Variants in PUM3 observed in about 807,000 individuals in gnomAD.
PUM3 encodes the protein pumilio homolog 3.
In PUM3, 91 loss-of-function variants were observed where a neutral mutation model predicts 84.0. The observed-to-expected ratio is 1.08, with a 90% CI of 0.91 to 1.29. The LOEUF (loss-of-function observed/expected upper bound fraction) is 1.29, where lower values mean the gene tolerates loss of function less well. PUM3 is among the 50% of genes most tolerant of loss of function. The probability of loss-of-function intolerance (pLI) is 0.00; values close to 1 mark genes in which losing one functional copy is unlikely to be tolerated. For missense variants in PUM3, 1,067 were observed against 767.5 expected (o/e 1.39, Z -4.61); for synonymous variants, 321 against 266.7 (o/e 1.20, Z -1.98).
At chr9:2,807,709 A>G in intron 17 of PUM3, 105 bp downstream of exon 17, 1 of 702,514 alleles carries the variant, frequency 1.4e-6, no homozygotes, top group South Asian at 1.8e-5. Context: ...TGGGAGTAAT[A>G]TTAGACTACT....
rs80077914 is a variant in PUM3, at chr9:2,826,428, G to A, written c.1035+645C>T. Among the ~76,000 whole-genome samples the A allele has an allele frequency of 1.1e-3, 164 of 152,164 alleles. 1 individual carries two copies. Among genetic ancestry groups the A allele is most frequent in the African/African-American group, 3.8e-3 (159 of 41,450 alleles). ...ATTATTTTGCATGCCAATTTTAAGA[G>A]GGTCAAAACTCCAATGAATGTATAG... On this transcript the variant is annotated intron_variant, in intron 10 of 17. Transcript: ENST00000397885.
chr9:2,821,208 G>C (rs2129825863), intron 12 of PUM3, among the ~76,000 whole-genome samples: 1 of 152,212 alleles, frequency 6.6e-6, no homozygotes, highest in East Asian at 1.9e-4. Context: ...ACTTTGGAAA[G>C]CTGAGGCTGG....
intron 13 of PUM3, among the ~76,000 whole-genome samples, chr9:2,813,720 G>C (rs1821414074): frequency 6.6e-6 from 1 of 152,206 alleles, no homozygotes; most frequent in Non-Finnish European, 1.5e-5. Context: ...ATGGGACCGT[G>C]AATCTCACTG....
At chr9:2,808,473 C>A (rs569890045) in intron 16 of PUM3, among the ~76,000 whole-genome samples, 68 of 152,238 alleles carry the variant, frequency 4.5e-4, no homozygotes, top group African/African-American at 1.6e-3. Flanking sequence ...TTCCCAAGGT[C>A]GTGGTATTAT....
At chr9:2,810,957 C>G (rs1274810303) in intron 15 of PUM3, among the ~76,000 whole-genome samples, 1 of 152,182 alleles carries the variant, frequency 6.6e-6, no homozygotes, top group East Asian at 1.9e-4. Context: ...TACTCCTTAG[C>G]AAGTATGGGA....
Position 2,837,214 on chromosome 9 carries a change from CTTG to C in PUM3, c.267_269del (p.Asn89del). 2 of 1,614,106 alleles carry C rather than the reference CTTG, an allele frequency of 1.2e-6. No homozygotes were observed. Among genetic ancestry groups the C allele is most frequent in the Non-Finnish European group, 1.7e-6 (2 of 1,179,954 alleles). On this transcript the variant is annotated inframe_deletion, in exon 3 of 18. Transcript: ENST00000397885. ...TACCATCTGGCTGGAATTTTCTCTT[CTTG>C]TTGAATTTATTTGCCGGCTGGAATT...
At chr9:2,818,965 A>T (rs1412475625) in intron 13 of PUM3, among the ~76,000 whole-genome samples, 1 of 152,220 alleles carries the variant, frequency 6.6e-6, no homozygotes, top group African/African-American at 2.4e-5. Context: ...CTCTTTTTGA[A>T]TCATCATATT....
At chr9:2,829,008 C>T (rs1815901399) in intron 8 of PUM3, among the ~76,000 whole-genome samples, 1 of 152,244 alleles carries the variant, frequency 6.6e-6, no homozygotes, top group African/African-American at 2.4e-5. Context: ...AGTTAACCAG[C>T]TAACAGTTAC....
In PUM3 at chr9:2,820,020, A is replaced by C. The variant is rs1821554795; in HGVS notation, c.1267T>G (p.Ser423Ala). The change falls in exon 13 of 18, where the codon TCA becomes GCA. Residue 423 changes from serine (S) to alanine (A), a missense_variant and splice_region_variant. Ser to Ala is a moderately conservative substitution (Grantham distance 99). Coordinates refer to ENST00000397885, the MANE Select transcript of PUM3 (RefSeq NM_014878.5). ...TCAAGACCATCAGGATTACTTACTG[A>C]TATGATTATCTGCTTCACAAGCTTA... ...DTKLVKQIII[S>A]EIISSLPSIV... 1.9e-6 allele frequency: 3 copies of C among 1,600,154 alleles called. No homozygotes were observed.
rs370007578 is a variant in PUM3, at chr9:2,829,818, T to C, written c.808A>G (p.Met270Val). ...NDKAILEQRN[M>V]LTEELYGNTF... ...TTCCCATAGAGCTCTTCCGTCAGCATGTTCCTCTGCTCCAAAATGGCTTTG... is the reference window on the plus strand; with the variant it reads ...TTCCCATAGAGCTCTTCCGTCAGCACGTTCCTCTGCTCCAAAATGGCTTTG... Residue 270 changes from methionine to valine, a missense_variant, in exon 8 of 18, where the codon ATG becomes GTG. Met to Val is a conservative substitution (Grantham distance 21, BLOSUM62 1). Transcript: ENST00000397885. 79 of 1,614,166 alleles carry C rather than the reference T, an allele frequency of 4.9e-5. No individual in the cohort carries two copies. The highest frequency in any genetic ancestry group is 4.5e-5 in the East Asian group (2 of 44,886).
At chr9:2,821,443 C>CAAAAAAAAAAAAAAAAAAAAAAAAAAAAA (rs572752267) in intron 12 of PUM3, among the ~76,000 whole-genome samples, 4 of 50,124 alleles carry the variant, frequency 8.0e-5, no homozygotes, top group Admixed American at 2.6e-4. Flanking sequence ...GACTCTGTCT[C>CAAAAAAAAAAAAAAAAAAAAAAAAAAAAA]AAAAAAAAAA....
Position 2,820,080 on chromosome 9 carries a change from C to A in PUM3, c.1207G>T (p.Val403Phe), listed in dbSNP as rs146797511. The A allele has an allele frequency of 3.1e-6, 5 of 1,611,674 alleles. No individual in the cohort carries two copies. Among genetic ancestry groups the A allele is most frequent in the Non-Finnish European group, 4.2e-6 (5 of 1,178,268 alleles). Residue 403 changes from valine (V) to phenylalanine (F), a missense_variant, in exon 13 of 18, where the codon GTT (valine) becomes TTT (phenylalanine). Physicochemically the swap from Val to Phe is conservative, Grantham distance 50. Coordinates refer to ENST00000397885, the MANE Select transcript of PUM3 (RefSeq NM_014878.5). Reference sequence around the variant, plus strand: ...ATACAATCAAATGCCGCCAGTAAAACCAAATGGGAGTATTGGCCCTGCAAG... The same window carrying A: ...ATACAATCAAATGCCGCCAGTAAAAACAAATGGGAGTATTGGCCCTGCAAG... ...KVANGQYSHL[V>F]LLAAFDCIDD...
intron 17 of PUM3, 135 bp downstream of exon 17, chr9:2,807,679 T>C: frequency 3.4e-6 from 2 of 580,276 alleles, no homozygotes; most frequent in African/African-American, 1.9e-5. Flanking sequence ...TTTGGTATGT[T>C]TGTCTAGACC....
At chr9:2,821,089 TC>T (rs1207469844) in intron 12 of PUM3, among the ~76,000 whole-genome samples, 1 of 151,762 alleles carries the variant, frequency 6.6e-6, no homozygotes, top group Non-Finnish European at 1.5e-5. Flanking sequence ...AACTGTAAAG[TC>T]AAAAAGACAA....
chr9:2,840,287 C>T lies in PUM3; in HGVS notation c.-10-1770G>A, dbSNP rs531317008. 3.3e-5 allele frequency among the ~76,000 whole-genome samples: 5 copies of T among 152,304 alleles called. No individual in the cohort carries two copies. In the South Asian group the frequency reaches 1.0e-3, roughly 32 times the overall value. On this transcript the variant is annotated intron_variant, in intron 1 of 17. Coordinates refer to ENST00000397885, the MANE Select transcript of PUM3 (RefSeq NM_014878.5). The stretch of plus-strand genomic sequence containing the variant: ...TTCCATCTTTATTAGATCCAAACCA[C>T]CAAGTCCAGCCCAAAGTCAGAGGAA...
intron 10 of PUM3, among the ~76,000 whole-genome samples, chr9:2,826,783 C>T (rs1586724647): frequency 6.6e-6 from 1 of 152,052 alleles, no homozygotes. Flanking sequence ...TATTCCTCCA[C>T]GAGTTAGTTA....
intron 13 of PUM3, among the ~76,000 whole-genome samples, chr9:2,813,600 T>C (rs1030729102): frequency 6.6e-6 from 1 of 152,188 alleles, no homozygotes; most frequent in Non-Finnish European, 1.5e-5. Context: ...GGGAATTCTC[T>C]CTGAGATGAT....
chr9:2,808,536 G>C (rs12353495), intron 16 of PUM3, among the ~76,000 whole-genome samples: 6,768 of 152,288 alleles, frequency 0.044, 164 homozygotes, highest in East Asian at 0.07. Flanking sequence ...TGATAGCTAA[G>C]ATTTAGTGCA....
rs140589078 is a variant in PUM3 at position 2,820,091 on chromosome 9, T to C, written c.1196A>G (p.Tyr399Cys). 119 of 1,609,574 alleles carry C rather than the reference T, an allele frequency of 7.4e-5. No individual in the cohort carries two copies. The African/African-American group carries it at 1.4e-3, about 18-fold the overall frequency. The part of the protein sequence containing the change: ...TYVEKVANGQ[Y>C]SHLVLLAAFD... ...TGCCGCCAGTAAAACCAAATGGGAG[T>C]ATTGGCCCTGCAAGAATTGGAAGCC... The change falls in exon 13 of 18, where the codon TAC (tyrosine) becomes TGC (cysteine). Residue 399 changes from tyrosine to cysteine, a missense_variant. Physicochemically the swap from Tyr to Cys is radical, Grantham distance 194. Coordinates refer to ENST00000397885, the MANE Select transcript of PUM3 (RefSeq NM_014878.5).
Sources: gnomAD v4.1 joint callset for allele counts (sites outside exome capture counted in the v4.1 genomes callset) on GRCh38, gnomAD v4.1.1 for gene constraint, MANE v1.5 for transcripts, NCBI Gene and HGNC (gene_info 2026-07-23, HGNC 2026-07-21) for gene names.